The following OR6N1 variants were observed in gnomAD, a reference collection of about 807,000 sequenced individuals.
The protein encoded by OR6N1 is olfactory receptor 6N1.
For synonymous variants in OR6N1, 170 were observed against 150.7 expected, an observed-to-expected ratio of 1.13 and a Z score of -0.94; for missense variants, 394 against 371.7, an observed-to-expected ratio of 1.06 and a Z score of -0.49.
chr1:158,765,593 G>T lies in OR6N1; in HGVS notation c.*151C>A. ...GGCTCCAGCAGACAGTATGAAGGTCGCTATAACACTGGAAGTCAGTCAGCA... is the reference window on the plus strand; with the variant it reads ...GGCTCCAGCAGACAGTATGAAGGTCTCTATAACACTGGAAGTCAGTCAGCA... On this transcript the variant is annotated 3_prime_UTR_variant, in exon 2 of 2. Transcript: ENST00000641846. 1 of 655,882 alleles carries T rather than the reference G, an allele frequency of 1.5e-6. No individual in the cohort carries two copies. The highest frequency in any genetic ancestry group is 2.6e-6 in the Non-Finnish European group (1 of 380,922). 40.6% of individuals were successfully genotyped at this position (655,882 alleles called of 1,614,324 possible).
At chr1:158,799,110 G>A in the OR6N1 span, among the ~76,000 whole-genome samples, 1 of 152,126 alleles carries the variant, frequency 6.6e-6, no homozygotes, top group Non-Finnish European at 1.5e-5. Context: ...ATCTGAAATA[G>A]ACCTTCTCAT....
upstream of OR6N1, chr1:158,775,406 A>C (rs1242246753): frequency 6.6e-6 from 1 of 152,184 alleles, no homozygotes; most frequent in East Asian, 1.9e-4. Flanking sequence ...GCTAGGAAAG[A>C]GGGAGCTGAG....
intron 1 of OR6N1, among the ~76,000 whole-genome samples, chr1:158,767,157 TTTC>T (rs1375361915): frequency 6.6e-6 from 1 of 152,194 alleles, no homozygotes; most frequent in Non-Finnish European, 1.5e-5. Flanking sequence ...TTTAATTTGT[TTTC>T]TTCTTCAACT....
the OR6N1 span, among the ~76,000 whole-genome samples, chr1:158,786,071 C>G: frequency 6.6e-6 from 1 of 152,048 alleles, no homozygotes; most frequent in Non-Finnish European, 1.5e-5. Flanking sequence ...TAAAAAGACA[C>G]ACCACAGAGT....
chr1:158,837,820 T>C, the OR6N1 span, among the ~76,000 whole-genome samples: 1 of 151,028 alleles, frequency 6.6e-6, no homozygotes, highest in Non-Finnish European at 1.5e-5. Context: ...CTTCTTTTTG[T>C]TGATTTTTTT....
the OR6N1 span, among the ~76,000 whole-genome samples, chr1:158,805,615 T>C: frequency 1.8e-4 from 28 of 152,180 alleles, no homozygotes; most frequent in Admixed American, 1.7e-3. Flanking sequence ...GCGCTAAAGA[T>C]GACCTGAACT....
Position 158,766,513 on chromosome 1 carries a change from G to A in OR6N1, c.170C>T (p.Thr57Ile). 2.5e-6 allele frequency: 4 copies of A among 1,614,180 alleles called. No homozygotes were observed. Among genetic ancestry groups the A allele is most frequent in the Non-Finnish European group, 2.5e-6 (3 of 1,180,032 alleles). ...AATGCTGACAAAGTGGTACATGGGTGTGTGAAGCCGGGAGTCCAGGCAGAC... is the reference window on the plus strand; with the variant it reads ...AATGCTGACAAAGTGGTACATGGGTATGTGAAGCCGGGAGTCCAGGCAGAC... ...LVVCLDSRLH[T>I]PMYHFVSILS... The change falls in exon 2 of 2, where the codon ACA (threonine) becomes ATA (isoleucine). Residue 57 changes from threonine to isoleucine, a missense_variant. Physicochemically the swap from Thr to Ile is moderately conservative, Grantham distance 89. Transcript: ENST00000641846.
the OR6N1 span, among the ~76,000 whole-genome samples, chr1:158,829,949 G>T: frequency 2.6e-5 from 4 of 152,140 alleles, no homozygotes; most frequent in African/African-American, 7.2e-5. Flanking sequence ...ATTTTAAAAC[G>T]ATCAGATCTC....
chr1:158,784,719 C>T, the OR6N1 span, among the ~76,000 whole-genome samples: 11 of 152,258 alleles, frequency 7.2e-5, no homozygotes, highest in Middle Eastern at 3.4e-3. Context: ...CATGTCCTCT[C>T]GGTTCATTCA....
the OR6N1 span, among the ~76,000 whole-genome samples, chr1:158,819,230 A>C: frequency 6.6e-6 from 1 of 152,216 alleles, no homozygotes; most frequent in Non-Finnish European, 1.5e-5. Context: ...ATGGGAATGT[A>C]GATCAGGATG....
At chr1:158,777,613 C>T in the OR6N1 span, 1 of 1,613,170 alleles carries the variant, frequency 6.2e-7, no homozygotes, top group Non-Finnish European at 8.5e-7. Context: ...TTCAGCCAGG[C>T]TTGAATGGTT....
chr1:158,779,093 T>C, the OR6N1 span, among the ~76,000 whole-genome samples: 2 of 150,796 alleles, frequency 1.3e-5, no homozygotes, highest in Admixed American at 1.3e-4. Context: ...TGTGTTTTCA[T>C]AAAATCAATT....
In OR6N1 at chr1:158,765,510, A is replaced by G; in HGVS notation, c.*234T>C. The G allele has an allele frequency of 2.2e-6, 1 of 458,842 alleles. No homozygotes were observed. The highest frequency in any genetic ancestry group is 3.9e-6 in the Non-Finnish European group (1 of 256,590). The allele number at this position is 458,842 out of a possible 1,614,324, so 28.4% of individuals were successfully genotyped here. On this transcript the variant is annotated 3_prime_UTR_variant, in exon 2 of 2. Coordinates refer to ENST00000641846, the MANE Select transcript of OR6N1 (RefSeq NM_001005185.2). ...ACATCTGAGTTTTGAAAATCACTGCACTACATCATGTTGAAGGGATGTGTA... is the reference window on the plus strand; with the variant it reads ...ACATCTGAGTTTTGAAAATCACTGCGCTACATCATGTTGAAGGGATGTGTA...
the OR6N1 span, among the ~76,000 whole-genome samples, chr1:158,791,056 G>A: frequency 4.6e-5 from 7 of 152,092 alleles, no homozygotes; most frequent in Admixed American, 1.3e-4. Context: ...CTGTTTATGC[G>A]ATTAAACACA....
At chr1:158,819,411 C>T in the OR6N1 span, among the ~76,000 whole-genome samples, 1 of 152,164 alleles carries the variant, frequency 6.6e-6, no homozygotes, top group African/African-American at 2.4e-5. Flanking sequence ...GGCTCTGCTA[C>T]TAACCAGCTC....
the OR6N1 span, among the ~76,000 whole-genome samples, chr1:158,797,071 C>CT: frequency 5.9e-5 from 9 of 152,136 alleles, no homozygotes; most frequent in African/African-American, 2.2e-4. Context: ...AACATACCTC[C>CT]TACAGTGAGG....
chr1:158,769,576 A>G (rs952430901), intron 1 of OR6N1, among the ~76,000 whole-genome samples: 2 of 152,226 alleles, frequency 1.3e-5, no homozygotes, highest in African/African-American at 4.8e-5. Flanking sequence ...GCAGAGAGTT[A>G]TGAAAGACAC....
chr1:158,825,782 C>T, the OR6N1 span, among the ~76,000 whole-genome samples: 1 of 152,098 alleles, frequency 6.6e-6, no homozygotes, highest in African/African-American at 2.4e-5. Flanking sequence ...TGGGTACATA[C>T]CCAAAGGAAT....
upstream of OR6N1, among the ~76,000 whole-genome samples, chr1:158,772,352 T>C (rs1328722891): frequency 6.6e-6 from 1 of 152,158 alleles, no homozygotes; most frequent in Non-Finnish European, 1.5e-5. Context: ...ATACAGCAAG[T>C]TCATTAGCCA....
Sources: gnomAD v4.1 joint callset for allele counts (sites outside exome capture counted in the v4.1 genomes callset) on GRCh38, gnomAD v4.1.1 for gene constraint, MANE v1.5 for transcripts, NCBI Gene and HGNC (gene_info 2026-07-23, HGNC 2026-07-21) for gene names.